The following TRPM6 variants were observed in gnomAD, a reference collection of about 807,000 sequenced individuals.
The protein encoded by TRPM6 is transient receptor potential cation channel subfamily M member 6.
In TRPM6, 111 loss-of-function variants were observed where a neutral mutation model predicts 247.6. The observed-to-expected ratio is 0.45, with a 90% CI of 0.38 to 0.52. The LOEUF is 0.52. TRPM6 is among the 20% of genes least tolerant of loss of function. The pLI is 0.00. For synonymous variants in TRPM6, 892 were observed against 853.8 expected (o/e 1.04, Z -0.78); for missense variants, 2,126 against 2,421.5 (o/e 0.88, Z 2.56).
intron 18 of TRPM6, among the ~76,000 whole-genome samples, chr9:74,795,612 C>A (rs1212814845): frequency 6.6e-6 from 1 of 152,176 alleles, no homozygotes. Flanking sequence ...CCAACCCAAT[C>A]ATAAAACTGT....
chr9:74,810,835 G>A lies in TRPM6; in HGVS notation c.1477C>T (p.Leu493Phe), dbSNP rs753758937. 6.2e-7 allele frequency: 1 copy of A among 1,613,676 alleles called. No individual in the cohort carries two copies. Among genetic ancestry groups the A allele is most frequent in the African/African-American group, 1.3e-5 (1 of 74,902 alleles). The change falls in exon 13 of 39, where the codon CTC becomes TTC. Residue 493 changes from leucine to phenylalanine, a missense_variant. Transcript: ENST00000360774. The stretch of plus-strand genomic sequence containing the variant: ...GTTACCTGTTTCACATCTTGGACGA[G>A]ATGATGCAAGAGTGTATTAGTAGGT... The part of the protein sequence containing the change: ...QGPTNTLLHH[L>F]VQDVKQHTLL...
In TRPM6 at chr9:74,792,672, T is replaced by C. The variant is rs774846513; in HGVS notation, c.2490A>G (p.Lys830=). Residue 830 remains lysine, a synonymous_variant, in exon 19 of 39, where the codon AAA becomes AAG. Coordinates refer to ENST00000360774, the MANE Select transcript of TRPM6 (RefSeq NM_017662.5). ...SGHQHLPWTR[K]VYEFYSAPIV... ...TTGGAGCACTGTAGAACTCATAGAC[T>C]TTCCTGGTCCACGGAAGGTGTTGGT... 6.2e-7 allele frequency: 1 copy of C among 1,614,048 alleles called. No homozygotes were observed. Among genetic ancestry groups the C allele is most frequent in the Non-Finnish European group, 8.5e-7 (1 of 1,180,032 alleles).
At position 74,755,484 on chromosome 9, in the gene TRPM6, A is replaced by G; in HGVS notation, c.4786-11T>C. 1.9e-6 allele frequency: 3 copies of G among 1,613,962 alleles called. No individual in the cohort carries two copies. Among genetic ancestry groups the G allele is most frequent in the Non-Finnish European group, 2.5e-6 (3 of 1,179,928 alleles). On this transcript the variant is annotated splice_polypyrimidine_tract_variant and intron_variant, in intron 27 of 38. Coordinates refer to ENST00000360774, the MANE Select transcript of TRPM6 (RefSeq NM_017662.5). ...ATTGACTGTTATGATCTGGAGAGAA[A>G]GACACTTGTTGGAACACAGTGACAT...
At chr9:74,757,016 G>T (rs1339677393) in intron 27 of TRPM6, among the ~76,000 whole-genome samples, 1 of 151,624 alleles carries the variant, frequency 6.6e-6, no homozygotes, top group Non-Finnish European at 1.5e-5. Context: ...GGCCAAAACT[G>T]AAAATACAAA....
At chr9:74,748,726 C>A (rs1399640770) in intron 30 of TRPM6, among the ~76,000 whole-genome samples, 1 of 151,986 alleles carries the variant, frequency 6.6e-6, no homozygotes, top group Non-Finnish European at 1.5e-5. Context: ...GTAAAAGAGT[C>A]AAAAAGATTT....
At chr9:74,887,385 T>C in intron 1 of TRPM6, 1 of 1,396,820 alleles carries the variant, frequency 7.2e-7, no homozygotes, top group Non-Finnish European at 9.4e-7. Flanking sequence ...GTCTGAGATC[T>C]GTGCCCGTGG....
At chr9:74,810,725 T>C in intron 13 of TRPM6, 90 bp downstream of exon 13, 2 of 1,154,640 alleles carry the variant, frequency 1.7e-6, no homozygotes, top group South Asian at 2.4e-5. Flanking sequence ...AATCCAAATC[T>C]GCATTTTACA....
chr9:74,845,465 G>A (rs1488088390), intron 3 of TRPM6, among the ~76,000 whole-genome samples: 1 of 152,152 alleles, frequency 6.6e-6, no homozygotes, highest in African/African-American at 2.4e-5. Context: ...TAAAAAGGAA[G>A]AAAATTCTGA....
chr9:74,801,702 G>T (rs1392257609), intron 16 of TRPM6, among the ~76,000 whole-genome samples, 196 bp downstream of exon 16: 1 of 152,150 alleles, frequency 6.6e-6, no homozygotes, highest in Non-Finnish European at 1.5e-5. Context: ...CAAGTCCCCT[G>T]ACTTGAAGGT....
At chr9:74,875,476 G>A (rs1389264678) in intron 1 of TRPM6, among the ~76,000 whole-genome samples, 1 of 152,140 alleles carries the variant, frequency 6.6e-6, no homozygotes, top group African/African-American at 2.4e-5. Flanking sequence ...CTGGGAAGTG[G>A]AGGTTGCAGT....
At chr9:74,787,761 G>T (rs946201518) in intron 20 of TRPM6, among the ~76,000 whole-genome samples, 1 of 152,212 alleles carries the variant, frequency 6.6e-6, no homozygotes, top group Non-Finnish European at 1.5e-5. Flanking sequence ...TGTCACACAG[G>T]CTGGAGTGCA....
intron 5 of TRPM6, 74 bp from the exon 6 acceptor site, chr9:74,834,196 C>G: frequency 6.3e-7 from 1 of 1,583,728 alleles, no homozygotes. Context: ...CAGAAACAGA[C>G]AAATAAATAG....
intron 38 of TRPM6, among the ~76,000 whole-genome samples, chr9:74,727,565 C>T (rs913807468): frequency 1.3e-5 from 2 of 152,056 alleles, no homozygotes; most frequent in Admixed American, 6.6e-5. Flanking sequence ...AGGACAAGTC[C>T]GGTGTGACCA....
At chr9:74,883,115 T>A (rs1831415136) in intron 1 of TRPM6, among the ~76,000 whole-genome samples, 1 of 152,196 alleles carries the variant, frequency 6.6e-6, no homozygotes, top group African/African-American at 2.4e-5. Context: ...ATACAGTATT[T>A]ATCTTTTTGT....
rs1172150091 is a variant in TRPM6 at position 74,775,921 on chromosome 9, C to T, written c.3365G>A (p.Arg1122Gln). ...GLLLRRLCCHRAPHDQEEGDV... is the reference protein window; with the variant it reads ...GLLLRRLCCHQAPHDQEEGDV... The stretch of plus-strand genomic sequence containing the variant: ...ACCCTCTTCTTGGTCGTGAGGAGCT[C>T]GATGACAGCACAGGCGGCGGAGGAG... Residue 1122 changes from arginine (R) to glutamine (Q), a missense_variant, in exon 24 of 39, where the codon CGA becomes CAA. Arg to Gln is a conservative substitution (Grantham distance 43, BLOSUM62 1). This residue lies in a region of TRPM6 where 717 missense variants were observed against 715.9 expected (regional missense o/e 1.00). Transcript: ENST00000360774. 5.6e-6 allele frequency: 9 copies of T among 1,613,980 alleles called. No homozygotes were observed. The highest frequency in any genetic ancestry group is 1.6e-4 in the Middle Eastern group (1 of 6,084).
At chr9:74,770,063 A>G (rs1038788764) in intron 25 of TRPM6, among the ~76,000 whole-genome samples, 41 of 152,214 alleles carry the variant, frequency 2.7e-4, no homozygotes, top group Non-Finnish European at 3.4e-4. Context: ...TGTGGACTCA[A>G]TCTTTGATAT....
Position 74,723,164 on chromosome 9 carries a change from G to A in TRPM6, c.*1449C>T, listed in dbSNP as rs978099441. 9 of 152,080 alleles carry A rather than the reference G, an allele frequency of 5.9e-5. No individual in the cohort carries two copies. Among genetic ancestry groups the A allele is most frequent in the Non-Finnish European group, 8.8e-5 (6 of 68,026 alleles). The allele number at this position is 152,080 out of a possible 1,614,324, so 9.4% of individuals were successfully genotyped here. A position where few individuals can be genotyped will look rare whatever the true frequency, so the allele number is the denominator to read the frequency against. On this transcript the variant is annotated 3_prime_UTR_variant, in exon 39 of 39. Coordinates refer to ENST00000360774, the MANE Select transcript of TRPM6 (RefSeq NM_017662.5). ...ATCCCTCAAATACACTACACAGTGT[G>A]GCTGCCAGGAGTGCTTCACCTTAGG...
At chr9:74,773,621 GT>G (rs1276296689) in intron 24 of TRPM6, among the ~76,000 whole-genome samples, 4 of 152,144 alleles carry the variant, frequency 2.6e-5, no homozygotes, top group Non-Finnish European at 5.9e-5. Context: ...ATATAATGAA[GT>G]GATGCTGCTA....
intron 33 of TRPM6, 47 bp downstream of exon 33, chr9:74,742,514 A>G (rs965971421): frequency 3.8e-6 from 6 of 1,563,430 alleles, no homozygotes; most frequent in Non-Finnish European, 5.3e-6. Flanking sequence ...CTCAGATTTT[A>G]TGCCTCTGTC....
Sources: gnomAD v4.1 joint callset for allele counts (sites outside exome capture counted in the v4.1 genomes callset) on GRCh38, gnomAD v4.1.1 for gene constraint, gnomAD v4.1.1 regional missense constraint, MANE v1.5 for transcripts, NCBI Gene and HGNC (gene_info 2026-07-23, HGNC 2026-07-21) for gene names.